ACAP2: variants seen among roughly 807,000 people sequenced by gnomAD.
ACAP2 encodes arf-GAP with coiled-coil, ANK repeat and PH domain-containing protein 2.
ACAP2 carries 39 observed loss-of-function variants against 115.8 expected under a neutral mutation model. That is an observed-to-expected ratio of 0.34 (90% CI 0.26 to 0.44). ACAP2 has a LOEUF of 0.44. Among genes scored for constraint, ACAP2 ranks in the 20% least tolerant of loss-of-function variants. The pLI, the probability that ACAP2 is intolerant of heterozygous loss-of-function variation, is 1.00. For missense variants in ACAP2, 662 were observed against 927.6 expected (o/e 0.71, Z 3.72); for synonymous variants, 289 against 315.8 (o/e 0.92, Z 0.90).
chr3:195,339,181 G>C (rs1287515510), intron 6 of ACAP2, among the ~76,000 whole-genome samples: 1 of 151,878 alleles, frequency 6.6e-6, no homozygotes, highest in Non-Finnish European at 1.5e-5. Flanking sequence ...CAGTGAGCTG[G>C]GATCGCACCA....
chr3:195,292,222 A>G (rs1482506424), intron 19 of ACAP2, 43 bp downstream of exon 19: 6 of 1,510,368 alleles, frequency 4.0e-6, no homozygotes, highest in Non-Finnish European at 5.3e-6. Flanking sequence ...ATTTTTTTTA[A>G]ATATTTGATT....
At chr3:195,408,707 A>C (rs976662112) in intron 1 of ACAP2, among the ~76,000 whole-genome samples, 4 of 152,208 alleles carry the variant, frequency 2.6e-5, no homozygotes, top group Admixed American at 6.5e-5. Flanking sequence ...TCAACAGAAG[A>C]CTAGCAAACT....
chr3:195,392,231 T>C, intron 1 of ACAP2, 84 bp from the exon 2 acceptor site: 1 of 1,075,750 alleles, frequency 9.3e-7, no homozygotes, highest in Non-Finnish European at 1.4e-6. Flanking sequence ...AATGAAAAGA[T>C]AGATATGAAT....
At chr3:195,292,546 A>G in intron 18 of ACAP2, 94 bp from the exon 19 acceptor site, 2 of 1,242,254 alleles carry the variant, frequency 1.6e-6, no homozygotes, top group Non-Finnish European at 2.2e-6. Flanking sequence ...TTGCAAGATA[A>G]AAAGAGTTCT....
intron 14 of ACAP2, 36 bp from the exon 15 acceptor site, chr3:195,301,680 T>A (rs769321741): frequency 7.0e-6 from 11 of 1,576,928 alleles, no homozygotes; most frequent in Admixed American, 3.6e-5. Flanking sequence ...TACTATCAAG[T>A]CTCTGTTTGC....
chr3:195,396,940 T>A (rs953009800), intron 1 of ACAP2, among the ~76,000 whole-genome samples: 1 of 150,374 alleles, frequency 6.7e-6, no homozygotes, highest in African/African-American at 2.4e-5. Context: ...ATTAATAATT[T>A]AAAAAAAATT....
At chr3:195,382,964 A>G (rs978447075) in intron 2 of ACAP2, among the ~76,000 whole-genome samples, 1 of 152,064 alleles carries the variant, frequency 6.6e-6, no homozygotes, top group Non-Finnish European at 1.5e-5. Context: ...AGATATTGCT[A>G]TACTGTTAAG....
intron 5 of ACAP2, 66 bp downstream of exon 5, chr3:195,345,193 G>T: frequency 1.8e-6 from 2 of 1,120,552 alleles, no homozygotes; most frequent in Non-Finnish European, 1.4e-6. Context: ...TCTTCCAAAA[G>T]ATACGAATTC....
chr3:195,405,582 A>C (rs568848152), intron 1 of ACAP2, among the ~76,000 whole-genome samples: 1 of 152,046 alleles, frequency 6.6e-6, no homozygotes, highest in East Asian at 1.9e-4. Context: ...GCTACTCAGG[A>C]GGCTGAGGCA....
intron 22 of ACAP2, among the ~76,000 whole-genome samples, chr3:195,283,204 C>G (rs918609239): frequency 6.6e-6 from 1 of 152,200 alleles, no homozygotes; most frequent in East Asian, 1.9e-4. Context: ...TTTCCAACAA[C>G]TGAGAGAAGA....
At chr3:195,406,691 T>C (rs935738656) in intron 1 of ACAP2, among the ~76,000 whole-genome samples, 4 of 152,216 alleles carry the variant, frequency 2.6e-5, no homozygotes, top group African/African-American at 7.2e-5. Context: ...AGTTTGTATT[T>C]TGAGTAAATA....
intron 4 of ACAP2, among the ~76,000 whole-genome samples, chr3:195,361,619 C>A (rs556994411): frequency 2.6e-5 from 4 of 151,604 alleles, no homozygotes; most frequent in Non-Finnish European, 4.4e-5. Flanking sequence ...TCTTAAAGAA[C>A]TAGAAAAGCA....
chr3:195,302,308 C>T (rs1476466666), intron 13 of ACAP2, 134 bp from the exon 14 acceptor site: 9 of 749,938 alleles, frequency 1.2e-5, no homozygotes, highest in Non-Finnish European at 1.7e-5. Context: ...AGGCAATAGT[C>T]TAGCTAGAAA....
chr3:195,336,837 T>C lies in ACAP2; in HGVS notation c.573+95A>G, dbSNP rs1560257928. The C allele has an allele frequency of 1.6e-5, 15 of 956,324 alleles. No homozygotes were observed. The South Asian group carries it at 1.8e-4, about 11-fold the overall frequency. The allele number at this position is 956,324 out of a possible 1,614,324, so 59.2% of individuals were successfully genotyped here. On this transcript the variant is annotated intron_variant, in intron 7 of 22. Coordinates refer to ENST00000326793, the MANE Select transcript of ACAP2 (RefSeq NM_012287.6). ...CAAAAAGAAGAGCAATTATAAACCT[T>C]ATCATGTATATAGCAGATGCTCTTT...
intron 22 of ACAP2, chr3:195,285,581 A>C (rs1261676832): frequency 5.8e-6 from 3 of 516,802 alleles, no homozygotes; most frequent in African/African-American, 2.0e-5. Flanking sequence ...TCATAGGAAG[A>C]GTTACGAATG....
chr3:195,334,807 T>A (rs899893623), intron 7 of ACAP2, among the ~76,000 whole-genome samples: 3 of 152,162 alleles, frequency 2.0e-5, no homozygotes, highest in African/African-American at 7.2e-5. Context: ...AAAGCCTTAA[T>A]CCTTTGACTA....
At chr3:195,345,109 T>C (rs1209283159) in intron 5 of ACAP2, 150 bp downstream of exon 5, 2 of 649,686 alleles carry the variant, frequency 3.1e-6, no homozygotes, top group Non-Finnish European at 5.5e-6. Flanking sequence ...TAGAGTAATT[T>C]AGGAAGAAAT....
In ACAP2 at chr3:195,312,347, A is replaced by G. The variant is rs113414450; in HGVS notation, c.858-3510T>C. Among the ~76,000 whole-genome samples the G allele has an allele frequency of 4.1e-4, 63 of 152,348 alleles. No individual in the cohort carries two copies. In the Middle Eastern group the frequency reaches 0.017, roughly 41 times the overall value. ...AAACAAAAAAAGGTAACGAACTGAC[A>G]ATGTATTCTTTCAACATAATCAATA... On this transcript the variant is annotated intron_variant, in intron 10 of 22. Transcript: ENST00000326793.
chr3:195,293,028 G>A (rs1314085124), intron 18 of ACAP2, among the ~76,000 whole-genome samples: 1 of 150,482 alleles, frequency 6.6e-6, no homozygotes, highest in Non-Finnish European at 1.5e-5. Context: ...CTATCATAAT[G>A]AGCTTATGGG....
Sources: gnomAD v4.1 joint callset for allele counts (sites outside exome capture counted in the v4.1 genomes callset) on GRCh38, gnomAD v4.1.1 for gene constraint, MANE v1.5 for transcripts, NCBI Gene and HGNC (gene_info 2026-07-23, HGNC 2026-07-21) for gene names.